Variants in NHSL1 observed in about 807,000 individuals in gnomAD.
NHSL1 encodes NHS like 1.
NHSL1 carries 48 observed loss-of-function variants against 95.0 expected under a neutral mutation model. That is an observed-to-expected ratio of 0.51 (90% confidence interval 0.40 to 0.64). NHSL1 has a LOEUF of 0.64. Among genes scored for constraint, NHSL1 ranks in the 30% least tolerant of loss-of-function variants. The probability of loss-of-function intolerance (pLI) is 0.00; values close to 1 mark genes in which losing one functional copy is unlikely to be tolerated. For missense variants in NHSL1, 1,971 were observed against 2,077.7 expected (o/e 0.95, Z 1.00); for synonymous variants, 783 against 833.9 (o/e 0.94, Z 1.05).
chr6:138,576,417 C>A (rs1322492800), upstream of NHSL1, among the ~76,000 whole-genome samples: 1 of 152,196 alleles, frequency 6.6e-6, no homozygotes, highest in East Asian at 1.9e-4. Flanking sequence ...ACTGCCTTGT[C>A]CCCATGTGAG....
intron 3 of NHSL1, among the ~76,000 whole-genome samples, 158 bp downstream of exon 3, chr6:138,473,148 C>G (rs541847909): frequency 6.6e-6 from 1 of 152,336 alleles, no homozygotes; most frequent in African/African-American, 2.4e-5. Context: ...GTTACTCTTA[C>G]ATAATTATGG....
At chr6:138,442,179 T>C in intron 4 of NHSL1, 65 bp from the exon 5 acceptor site, 1 of 1,411,612 alleles carries the variant, frequency 7.1e-7, no homozygotes, top group African/African-American at 1.5e-5. Context: ...CCATGCACTT[T>C]CTTCCAGAAG....
chr6:138,675,306 C>A (rs1785433876), intron 1 of NHSL1, among the ~76,000 whole-genome samples: 1 of 152,054 alleles, frequency 6.6e-6, no homozygotes, highest in South Asian at 2.1e-4. Flanking sequence ...AAGCTATCTG[C>A]TGCTTCCAAA....
chr6:138,642,375 T>C (rs958149289), intron 1 of NHSL1, among the ~76,000 whole-genome samples: 1 of 152,094 alleles, frequency 6.6e-6, no homozygotes. Context: ...GAAGAGAACA[T>C]AGAACTTGAA....
intron 2 of NHSL1, 102 bp downstream of exon 2, chr6:138,496,117 A>G: frequency 8.2e-7 from 1 of 1,217,660 alleles, no homozygotes; most frequent in Non-Finnish European, 1.2e-6. Flanking sequence ...AGCATACTAT[A>G]CATTCAATAA....
chr6:138,539,871 C>T (rs1032831612), intron 1 of NHSL1, among the ~76,000 whole-genome samples: 2 of 152,136 alleles, frequency 1.3e-5, no homozygotes, highest in South Asian at 4.1e-4. Context: ...ATTACACAAC[C>T]TATTTAGCAT....
chr6:138,523,645 A>AAAAAAAAAAAAAAAAAG (rs1781782097), intron 1 of NHSL1, among the ~76,000 whole-genome samples: 1 of 148,552 alleles, frequency 6.7e-6, no homozygotes. Flanking sequence ...AAAAAAAAAA[A>AAAAAAAAAAAAAAAAAG]AAAAAAACAG....
At chr6:138,475,215 G>A (rs1300982427) in intron 2 of NHSL1, among the ~76,000 whole-genome samples, 1 of 151,172 alleles carries the variant, frequency 6.6e-6, no homozygotes, top group Non-Finnish European at 1.5e-5. Flanking sequence ...AACATGATTA[G>A]TAGTTTTCTT....
At position 138,430,787 on chromosome 6, in the gene NHSL1, A is replaced by G. The variant is rs1272648041; in HGVS notation, c.3558T>C (p.Ser1186=). 1 of 1,551,428 alleles carries G rather than the reference A, an allele frequency of 6.4e-7. No homozygotes were observed. Among genetic ancestry groups the G allele is most frequent in the African/African-American group, 1.4e-5 (1 of 73,102 alleles). Residue 1186 remains serine (S), a synonymous_variant, in exon 6 of 8, where the codon TCT becomes TCC. Transcript: ENST00000343505. The surrounding 1 kb of genome is among the most constrained non-coding windows in gnomAD (Gnocchi z 4.7). ...TGGGGGGTGGCTTCCTGCTGGGTGA[A>G]GAGTCTGGGAGTGGGGTGGTGCTGG... ...PSPSTTPLPD[S]SPSRKPPPIS...
At chr6:138,575,939 C>T (rs1031801460), upstream of NHSL1, among the ~76,000 whole-genome samples, 4 of 151,854 alleles carry the variant, frequency 2.6e-5, no homozygotes, top group African/African-American at 9.7e-5. Flanking sequence ...TCACAATAAC[C>T]CTGCCGTGGA....
At chr6:138,556,994 G>T (rs1048738036) in intron 1 of NHSL1, among the ~76,000 whole-genome samples, 4 of 152,150 alleles carry the variant, frequency 2.6e-5, no homozygotes, top group Admixed American at 6.5e-5. Context: ...GGTTAATGGT[G>T]AAATCAAGGT....
chr6:138,445,187 T>C (rs1037655956), intron 4 of NHSL1, among the ~76,000 whole-genome samples: 9 of 152,234 alleles, frequency 5.9e-5, no homozygotes, highest in Non-Finnish European at 1.0e-4. Flanking sequence ...CTCAAGATAA[T>C]GCATTTCACC....
intron 3 of NHSL1, 47 bp downstream of exon 3, chr6:138,473,259 T>C (rs1778863887): frequency 1.4e-6 from 2 of 1,435,944 alleles, no homozygotes; most frequent in African/African-American, 2.9e-5. Context: ...ATCCTTTCTC[T>C]GTTCTGGGAC....
intron 1 of NHSL1, among the ~76,000 whole-genome samples, chr6:138,581,893 CTTTCT>C (rs1161804219): frequency 7.8e-5 from 10 of 128,214 alleles, no homozygotes; most frequent in Admixed American, 6.7e-4. Flanking sequence ...TCTACTTTTT[CTTTCT>C]TTTTTTTTTT....
upstream of NHSL1, among the ~76,000 whole-genome samples, chr6:138,546,731 G>T: frequency 6.6e-6 from 1 of 152,226 alleles, no homozygotes; most frequent in Non-Finnish European, 1.5e-5. Flanking sequence ...TGCAGCATTA[G>T]AGTACGAGAA....
chr6:138,429,935 C>T, intron 6 of NHSL1, 92 bp from the exon 7 acceptor site: 2 of 1,312,200 alleles, frequency 1.5e-6, no homozygotes, highest in Non-Finnish European at 2.1e-6. Flanking sequence ...CCCTGCCATT[C>T]CCGACAATGT....
chr6:138,692,315 G>A lies in NHSL1; in HGVS notation c.96+161C>T. ...AGAGCGCTCTGCGCCCCTGCCACCT[G>A]CCCAGCCTCCCGCTGGGGTCCGGCA... On this transcript the variant is annotated intron_variant, in intron 1 of 3. Transcript: ENST00000491526. The surrounding 1 kb of genome is among the most constrained non-coding windows in gnomAD (Gnocchi z 4.0). 2.7e-6 allele frequency: 1 copy of A among 376,944 alleles called. No individual in the cohort carries two copies. The highest frequency in any genetic ancestry group is 5.3e-6 in the Non-Finnish European group (1 of 189,638). 23.3% of individuals were successfully genotyped at this position (376,944 alleles called of 1,614,324 possible).
chr6:138,581,458 G>A lies in NHSL1; in HGVS notation c.97-85087C>T, dbSNP rs535093244. ...TGTAATCCCAGCAGTTTGGGAGGCC[G>A]AGGTGAGAGGATCACCTGAGGTCAG... On this transcript the variant is annotated intron_variant, in intron 1 of 3. Transcript: ENST00000491526. 4.9e-4 allele frequency among the ~76,000 whole-genome samples: 75 copies of A among 152,098 alleles called. No individual in the cohort carries two copies. The South Asian group carries it at 8.3e-3, about 17-fold the overall frequency.
intron 1 of NHSL1, among the ~76,000 whole-genome samples, chr6:138,651,463 C>T (rs774673112): frequency 2.6e-5 from 4 of 152,188 alleles, no homozygotes; most frequent in Non-Finnish European, 4.4e-5. Context: ...CACACGTTAA[C>T]AAAATAGAAT....
Sources: gnomAD v4.1 joint callset for allele counts (sites outside exome capture counted in the v4.1 genomes callset) on GRCh38, gnomAD v4.1.1 for gene constraint, Gnocchi (gnomAD v3.1) non-coding constraint, MANE v1.5 for transcripts, NCBI Gene and HGNC (gene_info 2026-07-23, HGNC 2026-07-21) for gene names.